SPATA3: variants seen among roughly 807,000 people sequenced by gnomAD.
SPATA3 encodes the protein spermatogenesis associated 3, also known as spermatogenesis-associated protein 3.
Under a neutral mutation model 5.7 loss-of-function variants are expected in SPATA3, and 6 were observed. The observed-to-expected ratio is 1.06, with a 90% CI of 0.58 to 2.09. The LOEUF (loss-of-function observed/expected upper bound fraction) is 2.09. SPATA3 is among the 30% of genes most tolerant of loss of function. SPATA3 has a pLI of 0.00. For synonymous variants in SPATA3, 44 were observed against 48.4 expected (o/e 0.91, Z 0.37); for missense variants, 155 against 130.4 (o/e 1.19, Z -0.92).
downstream of SPATA3, among the ~76,000 whole-genome samples, chr2:231,003,110 C>T (rs1463454719): frequency 4.6e-5 from 7 of 152,190 alleles, no homozygotes; most frequent in Non-Finnish European, 7.3e-5. Flanking sequence ...CTACCCATCT[C>T]GGACCTTTCT....
intron 6 of SPATA3, among the ~76,000 whole-genome samples, chr2:231,017,491 C>T (rs1429267328): frequency 6.6e-6 from 1 of 152,198 alleles, no homozygotes; most frequent in Non-Finnish European, 1.5e-5. Context: ...CAGTTGACAT[C>T]CCCACCAATG....
At chr2:231,003,927 C>T (rs934956588), downstream of SPATA3, 1 of 151,590 alleles carries the variant, frequency 6.6e-6, no homozygotes, top group Non-Finnish European at 1.5e-5. Context: ...GGTGGGGTGC[C>T]AAGAACTGCC....
At chr2:231,001,304 G>A (rs1008520169) in intron 2 of SPATA3, among the ~76,000 whole-genome samples, 2 of 152,094 alleles carry the variant, frequency 1.3e-5, no homozygotes, top group Admixed American at 6.5e-5. Context: ...GAGAGGGGTC[G>A]CCATCTGCCC....
downstream of SPATA3, among the ~76,000 whole-genome samples, chr2:231,008,822 C>T (rs1035258760): frequency 6.6e-6 from 1 of 152,232 alleles, no homozygotes; most frequent in Non-Finnish European, 1.5e-5. Flanking sequence ...AGTTCTGGTT[C>T]AGATGTGGCT....
Position 230,996,546 on chromosome 2 carries a change from T to C in SPATA3, c.791-3820T>C. The C allele has an allele frequency of 6.4e-7, 1 of 1,550,646 alleles. No homozygotes were observed. Among genetic ancestry groups the C allele is most frequent in the Non-Finnish European group, 8.7e-7 (1 of 1,146,324 alleles). On this transcript the variant is annotated intron_variant, in intron 1 of 2. Coordinates refer to ENST00000645363, the Ensembl canonical transcript of SPATA3. Reference sequence around the variant, plus strand: ...ATCCAGGAAAGCAGGTGGGCTGTCTTCTAGCTTCAGCAGTTCCAGCCTTCC... The same window carrying C: ...ATCCAGGAAAGCAGGTGGGCTGTCTCCTAGCTTCAGCAGTTCCAGCCTTCC...
At chr2:231,017,499 A>G (rs933073167) in intron 6 of SPATA3, among the ~76,000 whole-genome samples, 3 of 152,194 alleles carry the variant, frequency 2.0e-5, no homozygotes, top group African/African-American at 7.2e-5. Context: ...ATCCCCACCA[A>G]TGACTGGGCC....
chr2:231,001,570 C>A (rs886443336), intron 2 of SPATA3, among the ~76,000 whole-genome samples: 1 of 152,146 alleles, frequency 6.6e-6, no homozygotes, highest in African/African-American at 2.4e-5. Flanking sequence ...CCAGTAAGCT[C>A]CGTCAAGGAA....
At chr2:231,016,601 T>C (rs1366303287) in intron 6 of SPATA3, among the ~76,000 whole-genome samples, 4 of 151,716 alleles carry the variant, frequency 2.6e-5, no homozygotes, top group Admixed American at 1.3e-4. Context: ...AGGAAAATCA[T>C]GTGAACTTGG....
At chr2:231,000,388 G>C in exon 2 of SPATA3, 2 of 1,522,850 alleles carry the variant, frequency 1.3e-6, no homozygotes, top group Admixed American at 2.1e-5. Context: ...GCGCCGGCCC[G>C]CATTCCTGCT....
chr2:231,006,740 G>C (rs139506868), downstream of SPATA3: 2 of 152,292 alleles, frequency 1.3e-5, no homozygotes, highest in East Asian at 3.9e-4. Flanking sequence ...ACCATCTGAC[G>C]ACAGTGACAT....
At chr2:231,008,358 G>A (rs1396700734), downstream of SPATA3, among the ~76,000 whole-genome samples, 1 of 152,210 alleles carries the variant, frequency 6.6e-6, no homozygotes, top group African/African-American at 2.4e-5. Flanking sequence ...ATGGTGTAGG[G>A]GTGGAGGGAG....
chr2:231,014,921 T>G (rs1692889176), intron 6 of SPATA3, among the ~76,000 whole-genome samples: 1 of 152,210 alleles, frequency 6.6e-6, no homozygotes, highest in African/African-American at 2.4e-5. Context: ...AGGCTCTCTC[T>G]GCCTCTTCAG....
chr2:231,012,843 GT>G (rs532081989), intron 5 of SPATA3: 176 of 152,312 alleles, frequency 1.2e-3, no homozygotes, highest in African/African-American at 3.9e-3. Flanking sequence ...GAATCGTTTT[GT>G]TCTGATGAAA....
At chr2:230,999,052 T>C (rs931276409) in intron 1 of SPATA3, among the ~76,000 whole-genome samples, 1 of 152,160 alleles carries the variant, frequency 6.6e-6, no homozygotes, top group Non-Finnish European at 1.5e-5. Flanking sequence ...ACAATGAGTA[T>C]GGTGAAATAC....
At chr2:230,996,281 C>T in intron 1 of SPATA3, 1 of 1,549,968 alleles carries the variant, frequency 6.5e-7, no homozygotes. Flanking sequence ...GCCACCGAGA[C>T]TCCACCTCCC....
intron 6 of SPATA3, among the ~76,000 whole-genome samples, chr2:231,017,066 T>TTTGTAATTA (rs1692954995): frequency 1.3e-5 from 2 of 152,300 alleles, no homozygotes; most frequent in East Asian, 1.9e-4. Context: ...TATGCCTGTT[T>TTTGTAATTA]CGTAATTGAT....
chr2:231,003,234 G>A (rs944506340), downstream of SPATA3, among the ~76,000 whole-genome samples: 9 of 152,056 alleles, frequency 5.9e-5, no homozygotes, highest in South Asian at 6.2e-4. Context: ...CTTCAATGAC[G>A]TCTTCCATCT....
downstream of SPATA3, among the ~76,000 whole-genome samples, chr2:231,005,157 CCATCACCATCATCACCAT>C (rs199581895): frequency 9.2e-6 from 1 of 108,538 alleles, no homozygotes; most frequent in South Asian, 3.2e-4. Context: ...ATCACCATCA[CCATCACCATCATCACCAT>C]CATCATCACC....
chr2:230,996,265 C>T, intron 1 of SPATA3: 1 of 1,550,110 alleles, frequency 6.5e-7, no homozygotes, highest in East Asian at 2.4e-5. Flanking sequence ...AGGTCAGAGG[C>T]CAGACGCCAC....
Sources: allele counts gnomAD v4.1 joint callset (sites outside exome capture counted in the v4.1 genomes callset), GRCh38; gene constraint gnomAD v4.1.1; transcripts MANE v1.5; gene names NCBI Gene and HGNC (gene_info 2026-07-23, HGNC 2026-07-21).